The following TRAPPC8 variants were observed in gnomAD, a reference collection of about 807,000 sequenced individuals.
TRAPPC8 encodes the protein general sporulation gene 1 homolog.
TRAPPC8 carries 54 observed loss-of-function variants against 174.3 expected under a neutral mutation model. That is an observed-to-expected ratio of 0.31 (90% confidence interval 0.25 to 0.39). The LOEUF is 0.39. TRAPPC8 is among the 10% of genes least tolerant of loss of function. The pLI is 1.00. For synonymous variants in TRAPPC8, 630 were observed against 579.9 expected (o/e 1.09, Z -1.24); for missense variants, 1,531 against 1,699.1 (o/e 0.90, Z 1.74).
At chr18:31,934,424 T>C (rs2037990594) in intron 1 of TRAPPC8, among the ~76,000 whole-genome samples, 1 of 151,744 alleles carries the variant, frequency 6.6e-6, no homozygotes, top group South Asian at 2.1e-4. Flanking sequence ...CTATAACTGT[T>C]ATGTTTTCTA....
intron 12 of TRAPPC8, chr18:31,883,782 A>G (rs543330642): frequency 2.6e-5 from 4 of 152,246 alleles, no homozygotes; most frequent in African/African-American, 4.8e-5. Context: ...TAAAAATCTA[A>G]AAGTTTTTAG....
At position 31,884,954 on chromosome 18, in the gene TRAPPC8, C is replaced by T. The variant is rs533247188; in HGVS notation, c.1728+5781G>A. On this transcript the variant is annotated intron_variant, in intron 12 of 28. Coordinates refer to ENST00000283351, the MANE Select transcript of TRAPPC8 (RefSeq NM_014939.5). Reference sequence around the variant, plus strand: ...CTGCAAGCTCCGCCTCCCAGGTTCACGCCATTCTCCTGCCTCAGCCTCCCG... The same window carrying T: ...CTGCAAGCTCCGCCTCCCAGGTTCATGCCATTCTCCTGCCTCAGCCTCCCG... Among the ~76,000 whole-genome samples, 5 of 151,552 alleles carry T rather than the reference C, an allele frequency of 3.3e-5. No homozygotes were observed. In the South Asian group the frequency reaches 1.0e-3, roughly 32 times the overall value.
intron 21 of TRAPPC8, among the ~76,000 whole-genome samples, chr18:31,854,432 A>G (rs2033883208): frequency 1.3e-5 from 2 of 152,278 alleles, no homozygotes; most frequent in South Asian, 2.1e-4. Flanking sequence ...AATAAAAGCT[A>G]ATCTGAAATT....
chr18:31,870,402 A>T lies in TRAPPC8; in HGVS notation c.2358T>A (p.Ser786Arg). Residue 786 changes from serine (S) to arginine (R), a missense_variant, in exon 16 of 29, where the codon AGT becomes AGA. Physicochemically the swap from Ser to Arg is moderately radical, Grantham distance 110. Coordinates refer to ENST00000283351, the MANE Select transcript of TRAPPC8 (RefSeq NM_014939.5). ...GTTTAACTTCTTCATTATCCTTTCC[A>T]CTGAAATCTTTAGGATGAAACTTCC... ...LLWKFHPKDF[S>R]GKDNEEVKQL... The T allele has an allele frequency of 6.2e-7, 1 of 1,612,350 alleles. No homozygotes were observed. Among genetic ancestry groups the T allele is most frequent in the South Asian group, 1.1e-5 (1 of 90,660 alleles).
At chr18:31,922,492 G>T (rs1251830078) in intron 2 of TRAPPC8, among the ~76,000 whole-genome samples, 2 of 152,130 alleles carry the variant, frequency 1.3e-5, no homozygotes, top group African/African-American at 4.8e-5. Context: ...TCGAGAGGCT[G>T]AGGTGGGAAG....
At chr18:31,838,283 T>C (rs2032884337) in intron 27 of TRAPPC8, among the ~76,000 whole-genome samples, 1 of 152,240 alleles carries the variant, frequency 6.6e-6, no homozygotes, top group South Asian at 2.1e-4. Flanking sequence ...CCTTTACTCT[T>C]ATCTCCTAGA....
At chr18:31,902,225 G>A (rs991131410) in intron 9 of TRAPPC8, among the ~76,000 whole-genome samples, 1 of 152,226 alleles carries the variant, frequency 6.6e-6, no homozygotes, top group African/African-American at 2.4e-5. Context: ...TAGCTACTCA[G>A]GAGGCTGAAG....
At chr18:31,912,491 C>T (rs890568757) in intron 5 of TRAPPC8, among the ~76,000 whole-genome samples, 4 of 139,242 alleles carry the variant, frequency 2.9e-5, no homozygotes, top group Non-Finnish European at 6.4e-5. Context: ...GACTCTTTGT[C>T]TCCAAAAAAA....
At chr18:31,844,752 A>G (rs184799673) in intron 26 of TRAPPC8, 1 of 151,848 alleles carries the variant, frequency 6.6e-6, no homozygotes, top group East Asian at 1.9e-4. Flanking sequence ...AAAGAAAGAA[A>G]CCAGACATTT....
intron 2 of TRAPPC8, among the ~76,000 whole-genome samples, chr18:31,930,975 A>C (rs927589104): frequency 2.0e-5 from 3 of 149,794 alleles, no homozygotes; most frequent in Non-Finnish European, 4.4e-5. Context: ...ACAACAGATT[A>C]CATATTTACG....
chr18:31,906,510 G>T (rs558487352), intron 9 of TRAPPC8, among the ~76,000 whole-genome samples: 1 of 151,422 alleles, frequency 6.6e-6, no homozygotes, highest in South Asian at 2.1e-4. Flanking sequence ...CTAAAAAAAA[G>T]TATCTACACA....
chr18:31,913,396 A>G lies in TRAPPC8; in HGVS notation c.744T>C (p.Tyr248=). 6.3e-7 allele frequency: 1 copy of G among 1,586,424 alleles called. No individual in the cohort carries two copies. The highest frequency in any genetic ancestry group is 1.9e-5 in the Admixed American group (1 of 51,856). The stretch of plus-strand genomic sequence containing the variant: ...GGTTTTGAATACTATTTTTCTGGAG[A>G]TACTGACTCCAAGGATCTGGTATCT... ...DEQIPDPWSQ[Y]LQKNSIQNQE... is the part of the protein sequence containing the mutation. The change falls in exon 5 of 29, where the codon TAT becomes TAC. Residue 248 remains tyrosine, a synonymous_variant. Coordinates refer to ENST00000283351, the MANE Select transcript of TRAPPC8 (RefSeq NM_014939.5).
At position 31,916,422 on chromosome 18, in the gene TRAPPC8, T is replaced by G; in HGVS notation, c.467A>C (p.Glu156Ala). ...TGAAAACTGTTCCACAGGTTCAGCTTCACTAGATGACGCTACCAACATACC... is the reference window on the plus strand; with the variant it reads ...TGAAAACTGTTCCACAGGTTCAGCTGCACTAGATGACGCTACCAACATACC... ...LACMLVASSSEAEPVEQFSKL... is the reference protein window; with the variant it reads ...LACMLVASSSAAEPVEQFSKL... The change falls in exon 4 of 29, where the codon GAA (glutamate) becomes GCA (alanine). Residue 156 changes from glutamate (E) to alanine (A), a missense_variant. Transcript: ENST00000283351. 6.2e-7 allele frequency: 1 copy of G among 1,611,754 alleles called. No individual in the cohort carries two copies. The highest frequency in any genetic ancestry group is 1.7e-5 in the Admixed American group (1 of 59,378).
At chr18:31,904,561 A>G (rs956584585) in intron 9 of TRAPPC8, among the ~76,000 whole-genome samples, 2 of 152,226 alleles carry the variant, frequency 1.3e-5, no homozygotes, top group African/African-American at 4.8e-5. Flanking sequence ...TGATTTGAGA[A>G]CTGAAATATG....
At chr18:31,909,624 T>C in intron 6 of TRAPPC8, 43 bp downstream of exon 6, 2 of 1,577,442 alleles carry the variant, frequency 1.3e-6, no homozygotes, top group South Asian at 2.4e-5. Context: ...CAACAGTGCA[T>C]ATTTTCAATC....
At chr18:31,888,587 A>G (rs1035640180) in intron 12 of TRAPPC8, among the ~76,000 whole-genome samples, 3 of 152,262 alleles carry the variant, frequency 2.0e-5, no homozygotes, top group African/African-American at 7.2e-5. Flanking sequence ...CTATGCAGCC[A>G]TAAAAAGGAA....
chr18:31,920,328 T>C (rs1030405), intron 2 of TRAPPC8, among the ~76,000 whole-genome samples: 151,685 of 152,298 alleles, frequency 1, 75,540 homozygotes, highest in East Asian at 1. Flanking sequence ...TGTAATGACA[T>C]TGAAAGACTA....
chr18:31,859,715 A>G (rs575154316), intron 19 of TRAPPC8, among the ~76,000 whole-genome samples: 3 of 152,264 alleles, frequency 2.0e-5, no homozygotes, highest in South Asian at 2.1e-4. Context: ...TACTAAATAC[A>G]CTATTTTGAC....
At chr18:31,852,244 G>A (rs1030493089) in intron 24 of TRAPPC8, among the ~76,000 whole-genome samples, 12 of 152,134 alleles carry the variant, frequency 7.9e-5, no homozygotes, top group African/African-American at 2.7e-4. Flanking sequence ...AGGAGGCTGA[G>A]GGGGGAGGAT....
Sources: gnomAD v4.1 joint callset for allele counts (sites outside exome capture counted in the v4.1 genomes callset) on GRCh38, gnomAD v4.1.1 for gene constraint, MANE v1.5 for transcripts, NCBI Gene and HGNC (gene_info 2026-07-23, HGNC 2026-07-21) for gene names.